RBMX: variants seen among roughly 807,000 people sequenced by gnomAD.
The protein encoded by RBMX is RNA binding motif protein X-linked, also known as RNA-binding motif protein, X chromosome.
A neutral mutation model predicts 29.3 loss-of-function variants in RBMX; 1 was observed. The observed-to-expected ratio is 0.03, with a 90% CI of 0.01 to 0.16. The LOEUF is 0.16. Among genes scored for constraint, RBMX ranks in the 10% least tolerant of loss-of-function variants. RBMX has a pLI of 1.00. For missense variants in RBMX, 121 were observed against 333.2 expected, an observed-to-expected ratio of 0.36 and a Z score of 4.96; for synonymous variants, 102 against 102.3, an observed-to-expected ratio of 1.00 and a Z score of 0.02.
intron 4 of RBMX, 145 bp downstream of exon 4, chrX:136,877,770 T>C (rs2077749238): frequency 8.0e-6 from 4 of 498,791 alleles, no homozygotes; most frequent in South Asian, 5.6e-5. Flanking sequence ...ATGCTTTCAA[T>C]TGGCAATCAC....
chrX:136,872,163 T>C (rs973705374), downstream of RBMX: 8 of 608,280 alleles, frequency 1.3e-5, no homozygotes, highest in Admixed American at 3.6e-5. Flanking sequence ...GCGTTTTCTT[T>C]TACAGATGAA....
chrX:136,874,189 G>A lies in RBMX; in HGVS notation c.1129C>T (p.Arg377Cys), dbSNP rs759835451. ...SSRGAPRGGG[R>C]GGSRSDRGGG... ...CCTCTATCAGATCGGCTTCCTCCAC[G>A]GCCACCACCTCTTGGTGCTCCGCGG... The change falls in exon 9 of 9, where the codon CGT (arginine) becomes TGT (cysteine). Residue 377 changes from arginine to cysteine, a missense_variant. This residue lies in a region of RBMX where 114 missense variants were observed against 260.0 expected (regional missense o/e 0.44). Transcript: ENST00000320676. 3 of 1,212,043 alleles carry A rather than the reference G, an allele frequency of 2.5e-6. No individual in the cohort carries two copies. The highest frequency in any genetic ancestry group is 3.0e-5 in the East Asian group (1 of 33,855).
In RBMX at chrX:136,878,101, A is replaced by G. The variant is rs1556344471; in HGVS notation, c.217-15T>C. 1 of 1,139,700 alleles carries G rather than the reference A, an allele frequency of 8.8e-7. No individual in the cohort carries two copies. The highest frequency in any genetic ancestry group is 2.6e-5 in the Admixed American group (1 of 38,690). 93.9% of individuals were successfully genotyped at this position (1,139,700 alleles called of 1,213,427 possible). A position where few individuals can be genotyped will look rare whatever the true frequency, so the allele number is the denominator to read the frequency against. On this transcript the variant is annotated splice_polypyrimidine_tract_variant and intron_variant, in intron 3 of 8. Transcript: ENST00000320676. ...CCATCTAATGACTAAAAAAAAAGAT[A>G]CGATTAAATTAAATCAAGATTTAAA...
downstream of RBMX, chrX:136,872,444 T>C (rs1230597192): frequency 1.4e-6 from 1 of 713,054 alleles, no homozygotes. Context: ...AAAAGGCAAG[T>C]TCAGACTTGC....
At chrX:136,879,914 G>A (rs1333381513) in intron 1 of RBMX, among the ~76,000 whole-genome samples, 1 of 111,464 alleles carries the variant, frequency 9.0e-6, no homozygotes, top group East Asian at 2.8e-4. Flanking sequence ...TAAATCCAAG[G>A]AGAAATGTGA....
intron 3 of RBMX, among the ~76,000 whole-genome samples, chrX:136,878,737 G>A (rs1411842212): frequency 3.7e-5 from 3 of 81,652 alleles, no homozygotes; most frequent in East Asian, 7.3e-4. Context: ...GCAACGGAGG[G>A]AGACTATCAA....
chrX:136,880,389 G>A (rs968309773), intron 1 of RBMX, among the ~76,000 whole-genome samples: 1 of 112,393 alleles, frequency 8.9e-6, no homozygotes, highest in Non-Finnish European at 1.9e-5. Flanking sequence ...AACTCCCGCA[G>A]ATGGCAGCCA....
At chrX:136,875,796 T>G (rs1383339945) in intron 5 of RBMX, among the ~76,000 whole-genome samples, 3 of 110,329 alleles carry the variant, frequency 2.7e-5, no homozygotes, top group Non-Finnish European at 5.7e-5. Flanking sequence ...AACACATGAC[T>G]AAAAGTTTTG....
Position 136,875,454 on chromosome X carries a change from C to A in RBMX, c.656+17G>T. On this transcript the variant is annotated intron_variant, in intron 6 of 8. Transcript: ENST00000320676. ...CAACCTTAATTATTAATTTAAAAAGCTGCACTTTTCTATTACCTGTCTTTA... is the reference window on the plus strand; with the variant it reads ...CAACCTTAATTATTAATTTAAAAAGATGCACTTTTCTATTACCTGTCTTTA... 1 of 1,208,003 alleles carries A rather than the reference C, an allele frequency of 8.3e-7. No homozygotes were observed.
In RBMX at chrX:136,875,107, T is replaced by C. The variant is rs1162858940; in HGVS notation, c.844A>G (p.Arg282Gly). ...YSDHPSGGSY[R>G]DSYESYGNSR... ...TTACCATAACTCTCATATGAATCTC[T>C]GTAGGAACCTCCACTTGGATGATCT... The change falls in exon 8 of 9, where the codon AGA (arginine) becomes GGA (glycine). Residue 282 changes from arginine (R) to glycine (G), a missense_variant. Coordinates refer to ENST00000320676, the MANE Select transcript of RBMX (RefSeq NM_002139.4). The C allele has an allele frequency of 8.3e-7, 1 of 1,210,243 alleles. No homozygotes were observed. Among genetic ancestry groups the C allele is most frequent in the Non-Finnish European group, 1.1e-6 (1 of 895,358 alleles).
chrX:136,874,912 T>C (rs905583023), intron 8 of RBMX, 174 bp downstream of exon 8: 13 of 938,815 alleles, frequency 1.4e-5, no homozygotes, highest in South Asian at 7.5e-5. Flanking sequence ...AAAAGAAACT[T>C]AGAAAAACAA....
At chrX:136,878,188 G>GT in intron 3 of RBMX, 102 bp from the exon 4 acceptor site, 1 of 735,167 alleles carries the variant, frequency 1.4e-6, no homozygotes, top group Non-Finnish European at 1.9e-6. Context: ...GCAGTTATGG[G>GT]TAAGTGTTGC....
downstream of RBMX, among the ~76,000 whole-genome samples, chrX:136,871,348 A>G (rs1462005712): frequency 1.5e-4 from 15 of 102,500 alleles, no homozygotes; most frequent in Non-Finnish European, 1.4e-4. Context: ...AGGCTGAGGC[A>G]CAGGAGAATG....
chrX:136,878,257 C>T (rs191294950), intron 3 of RBMX, among the ~76,000 whole-genome samples, 171 bp from the exon 4 acceptor site: 21 of 111,002 alleles, frequency 1.9e-4, no homozygotes, highest in East Asian at 1.7e-3. Flanking sequence ...GGGGCTTTTC[C>T]GCTTAAAATT....
downstream of RBMX, chrX:136,872,186 A>G (rs938957695): frequency 1.8e-5 from 14 of 778,365 alleles, no homozygotes; most frequent in African/African-American, 2.3e-4. Context: ...GAGGACCACA[A>G]TAACTTGCCA....
In RBMX at chrX:136,875,180, A is replaced by G. The variant is rs1230850887; in HGVS notation, c.783-12T>C. 1.7e-6 allele frequency: 2 copies of G among 1,209,802 alleles called. No homozygotes were observed. The highest frequency in any genetic ancestry group is 1.1e-6 in the Non-Finnish European group (1 of 895,273). On this transcript the variant is annotated splice_polypyrimidine_tract_variant and intron_variant, in intron 7 of 8. Transcript: ENST00000320676. ...ATCCATCTCTATCGCTAAATTAAAG[A>G]GAAACCTTTAAGTCCCAGAGAATCA...
At chrX:136,876,711 T>C (rs992124954) in intron 4 of RBMX, 56 bp from the exon 5 acceptor site, 67 of 934,787 alleles carry the variant, frequency 7.2e-5, no homozygotes, top group Admixed American at 3.1e-4. Context: ...AAGAAAGATA[T>C]AAAAGTTTTT....
intron 7 of RBMX, 33 bp downstream of exon 7, chrX:136,875,225 T>C: frequency 8.3e-7 from 1 of 1,210,913 alleles, no homozygotes; most frequent in African/African-American, 1.7e-5. Context: ...GCAACTTTTC[T>C]TACATGTAAG....
chrX:136,873,438 C>T, downstream of RBMX: 3 of 753,753 alleles, frequency 4.0e-6, no homozygotes, highest in Non-Finnish European at 4.7e-6. Flanking sequence ...ACAGTAAGAG[C>T]AAGCACCTTT....
Sources: gnomAD v4.1 joint callset for allele counts (sites outside exome capture counted in the v4.1 genomes callset) on GRCh38, gnomAD v4.1.1 for gene constraint, gnomAD v4.1.1 regional missense constraint, MANE v1.5 for transcripts, NCBI Gene and HGNC (gene_info 2026-07-23, HGNC 2026-07-21) for gene names.